ASH1L: variants seen among roughly 807,000 people sequenced by gnomAD.
ASH1L encodes the protein ASH1 like histone lysine methyltransferase, also known as histone-lysine N-methyltransferase ASH1L.
In ASH1L, 23 loss-of-function variants were observed where a neutral mutation model predicts 269.0. The ratio of observed to expected loss-of-function variants is 0.09; its 90% CI spans 0.06 to 0.12. ASH1L has a LOEUF of 0.12. ASH1L is among the 10% of genes least tolerant of loss of function. ASH1L has a pLI of 1.00. For missense variants in ASH1L, 2,912 were observed against 3,567.8 expected (o/e 0.82, Z 4.68); for synonymous variants, 1,187 against 1,253.5 (o/e 0.95, Z 1.12).
chr1:155,378,297 C>A lies in ASH1L; in HGVS notation c.6316G>T (p.Asp2106Tyr). Residue 2106 changes from aspartate to tyrosine, a missense_variant, in exon 10 of 28, where the codon GAT (aspartate) becomes TAT (tyrosine). By Grantham distance (160) the Asp-to-Tyr change is radical. Coordinates refer to ENST00000392403, the MANE Select transcript of ASH1L (RefSeq NM_018489.3). ...TGACAGTACCTATTGAGGCAGTCAT[C>A]AACACAGCCCTTCCTGGTGTCATCA... ...PDDDTRKGCV[D>Y]DCLNRMIFAE... 1 of 1,614,052 alleles carries A rather than the reference C, an allele frequency of 6.2e-7. No individual in the cohort carries two copies. The highest frequency in any genetic ancestry group is 8.5e-7 in the Non-Finnish European group (1 of 1,179,918).
In ASH1L at chr1:155,380,582, A is replaced by AT. The variant is rs530051282; in HGVS notation, c.6104-467dup. 3.8e-4 allele frequency among the ~76,000 whole-genome samples: 57 copies of AT among 151,528 alleles called. 1 individual carries two copies. In the East Asian group the frequency reaches 0.01, roughly 28 times the overall value. On this transcript the variant is annotated intron_variant, in intron 7 of 27. Coordinates refer to ENST00000392403, the MANE Select transcript of ASH1L (RefSeq NM_018489.3). ...CCTATTGAAATAGTATTTTTGTTTG[A>AT]TTTTTTTGTTTTTGTCTTATATAAA...
intron 17 of ASH1L, 24 bp from the exon 18 acceptor site, chr1:155,349,620 T>C (rs1216201549): frequency 1.9e-6 from 3 of 1,610,460 alleles, no homozygotes; most frequent in East Asian, 2.2e-5. Context: ...TGAGGTTTAG[T>C]AGAAAGATTC....
chr1:155,379,154 G>C (rs1474245420), intron 8 of ASH1L, among the ~76,000 whole-genome samples: 2 of 151,850 alleles, frequency 1.3e-5, no homozygotes, highest in Non-Finnish European at 2.9e-5. Context: ...TTTGCCATAA[G>C]GGACTGTACA....
intron 2 of ASH1L, among the ~76,000 whole-genome samples, chr1:155,500,254 G>C (rs560295071): frequency 6.6e-6 from 1 of 152,276 alleles, no homozygotes; most frequent in East Asian, 1.9e-4. Flanking sequence ...GTATGTAAAG[G>C]GGGAAGAAAG....
chr1:155,345,309 T>C (rs1653174666), intron 21 of ASH1L, among the ~76,000 whole-genome samples: 1 of 150,012 alleles, frequency 6.7e-6, no homozygotes, highest in Admixed American at 6.8e-5. Flanking sequence ...GACTCCCAAG[T>C]AGATGGGATT....
intron 8 of ASH1L, 25 bp from the exon 9 acceptor site, chr1:155,378,573 G>T (rs751436461): frequency 1.3e-6 from 2 of 1,584,054 alleles, no homozygotes; most frequent in African/African-American, 2.7e-5. Flanking sequence ...GAAAAATCTT[G>T]ATATAGCATT....
At chr1:155,548,885 A>G (rs916247411) in intron 1 of ASH1L, among the ~76,000 whole-genome samples, 2 of 152,192 alleles carry the variant, frequency 1.3e-5, no homozygotes, top group Admixed American at 6.5e-5. Context: ...AACTTTAAAC[A>G]CTTAGTAGAA....
At chr1:155,493,193 T>C (rs1666928548) in intron 2 of ASH1L, among the ~76,000 whole-genome samples, 2 of 152,190 alleles carry the variant, frequency 1.3e-5, no homozygotes. Context: ...ATATCACCAC[T>C]ACTTTAATAA....
In ASH1L at chr1:155,478,627, G is replaced by C; in HGVS notation, c.4243C>G (p.Pro1415Ala). ...PPTLYPPPPSPSFTTPLPPPS... is the reference protein window; with the variant it reads ...PPTLYPPPPSASFTTPLPPPS... Reference sequence around the variant, plus strand: ...GGTGGAAGTGGCGTGGTGAAAGAAGGAGATGGAGGAGGTGGATAAAGAGTG... The same window carrying C: ...GGTGGAAGTGGCGTGGTGAAAGAAGCAGATGGAGGAGGTGGATAAAGAGTG... Residue 1415 changes from proline (P) to alanine (A), a missense_variant, in exon 3 of 28, where the codon CCT (proline) becomes GCT (alanine). Physicochemically the swap from Pro to Ala is conservative, Grantham distance 27. Around this residue, in one of 13 missense-constraint regions of ASH1L, gnomAD observed 789 missense variants for 897.6 expected, o/e 0.88. Coordinates refer to ENST00000392403, the MANE Select transcript of ASH1L (RefSeq NM_018489.3). The surrounding 1 kb of genome is among the most constrained non-coding windows in gnomAD (Gnocchi z 4.6). 1.2e-6 allele frequency: 2 copies of C among 1,614,070 alleles called. No homozygotes were observed. The highest frequency in any genetic ancestry group is 1.7e-6 in the Non-Finnish European group (2 of 1,180,012).
intron 19 of ASH1L, 95 bp from the exon 20 acceptor site, chr1:155,347,999 C>T (rs767250730): frequency 7.5e-5 from 114 of 1,514,980 alleles, no homozygotes; most frequent in Middle Eastern, 1.7e-4. Flanking sequence ...CTTTCTTTAC[C>T]CTCCCATTTT....
intron 4 of ASH1L, among the ~76,000 whole-genome samples, chr1:155,453,517 T>C (rs933426234): frequency 4.6e-5 from 7 of 152,124 alleles, no homozygotes; most frequent in Non-Finnish European, 1.0e-4. Flanking sequence ...TTACCATTTA[T>C]GGCTGGGTGC....
At chr1:155,512,908 T>G (rs1668258112) in intron 2 of ASH1L, among the ~76,000 whole-genome samples, 1 of 150,964 alleles carries the variant, frequency 6.6e-6, no homozygotes, top group South Asian at 2.1e-4. Context: ...AATATAAAAA[T>G]ATTAGAAGTG....
chr1:155,426,493 GCCTGGC>G (rs889574503), intron 5 of ASH1L, among the ~76,000 whole-genome samples: 4 of 152,028 alleles, frequency 2.6e-5, no homozygotes, highest in African/African-American at 9.7e-5. Flanking sequence ...GAGACACCGC[GCCTGGC>G]CCATTAATTT....
rs559130924 is a variant in ASH1L, at chr1:155,343,008, T to C, written c.8293+306A>G. Reference sequence around the variant, plus strand: ...GCAATGAACAGGAGACATGAGGTCATTGAAGTCTTTTTTTTTTTTTTGAGG... The same window carrying C: ...GCAATGAACAGGAGACATGAGGTCACTGAAGTCTTTTTTTTTTTTTTGAGG... On this transcript the variant is annotated intron_variant, in intron 24 of 27. Transcript: ENST00000392403. The surrounding 1 kb of genome is among the most constrained non-coding windows in gnomAD (Gnocchi z 6.1). 9.5e-5 allele frequency: 22 copies of C among 231,298 alleles called. No homozygotes were observed. Among genetic ancestry groups the C allele is most frequent in the East Asian group, 2.0e-4 (2 of 10,236 alleles). The allele number at this position is 231,298 out of a possible 1,614,324, so 14.3% of individuals were successfully genotyped here.
At chr1:155,459,995 G>T in intron 3 of ASH1L, 97 bp from the exon 4 acceptor site, 1 of 859,186 alleles carries the variant, frequency 1.2e-6, no homozygotes, top group Non-Finnish European at 1.8e-6. Context: ...TTTAGTTGCT[G>T]CCACTGTCAT....
intron 1 of ASH1L, among the ~76,000 whole-genome samples, chr1:155,535,601 A>G (rs535013673): frequency 3.9e-5 from 6 of 151,994 alleles, no homozygotes; most frequent in African/African-American, 1.4e-4. Context: ...AGCTAAGAAA[A>G]TATCACTGCA....
intron 1 of ASH1L, among the ~76,000 whole-genome samples, chr1:155,546,351 T>C (rs1292282601): frequency 1.3e-5 from 2 of 151,558 alleles, no homozygotes; most frequent in East Asian, 1.9e-4. Flanking sequence ...AAAGAAATTA[T>C]TGCATTACCA....
rs1189061484 is a variant in ASH1L at position 155,343,048 on chromosome 1, G to A, written c.8293+266C>T. On this transcript the variant is annotated intron_variant, in intron 24 of 27. Transcript: ENST00000392403. The surrounding 1 kb of genome is among the most constrained non-coding windows in gnomAD (Gnocchi z 6.1). ...TTTTTTTGAGGCAGGGTTTCATTCT[G>A]TTGCACAGGTTGGAGTGCAGTGGTG... 1 of 279,582 alleles carries A rather than the reference G, an allele frequency of 3.6e-6. No homozygotes were observed. The highest frequency in any genetic ancestry group is 6.7e-6 in the Non-Finnish European group (1 of 150,348). 17.3% of individuals were successfully genotyped at this position (279,582 alleles called of 1,614,324 possible).
chr1:155,392,557 C>T (rs1037468368), intron 7 of ASH1L, among the ~76,000 whole-genome samples: 2 of 152,022 alleles, frequency 1.3e-5, no homozygotes, highest in Non-Finnish European at 2.9e-5. Context: ...AGCATGATCT[C>T]GGCTCTCTGC....
Sources: allele counts gnomAD v4.1 joint callset (sites outside exome capture counted in the v4.1 genomes callset), GRCh38; gene constraint gnomAD v4.1.1; regional missense constraint gnomAD v4.1.1; non-coding constraint Gnocchi (gnomAD v3.1); transcripts MANE v1.5; gene names NCBI Gene and HGNC (gene_info 2026-07-23, HGNC 2026-07-21).